CFAP299: variants seen among roughly 807,000 people sequenced by gnomAD.
CFAP299 encodes the protein cilia- and flagella-associated protein 299.
In CFAP299, 21 loss-of-function variants were observed where a neutral mutation model predicts 27.0. That is an observed-to-expected ratio of 0.78 (90% CI 0.55 to 1.12). The LOEUF (loss-of-function observed/expected upper bound fraction) is 1.12. Among genes scored for constraint, CFAP299 ranks in the 50% most tolerant of loss-of-function variants. The pLI is 0.00. For missense variants in CFAP299, 310 were observed against 276.6 expected, an observed-to-expected ratio of 1.12 and a Z score of -0.86; for synonymous variants, 104 against 98.1, an observed-to-expected ratio of 1.06 and a Z score of -0.36.
intron 2 of CFAP299, among the ~76,000 whole-genome samples, chr4:80,429,301 T>A (rs935916653): frequency 1.3e-5 from 2 of 151,054 alleles, no homozygotes; most frequent in Non-Finnish European, 1.5e-5. Context: ...CTTTTGCCTA[T>A]AAATTGGAGA....
chr4:80,798,282 G>C (rs1473171274), intron 3 of CFAP299, among the ~76,000 whole-genome samples: 1 of 152,020 alleles, frequency 6.6e-6, no homozygotes, highest in Non-Finnish European at 1.5e-5. Context: ...CACTGTTTTG[G>C]CCTCAGGCAG....
chr4:80,577,707 A>G (rs1179091864), intron 2 of CFAP299, among the ~76,000 whole-genome samples: 2 of 152,054 alleles, frequency 1.3e-5, no homozygotes, highest in Non-Finnish European at 2.9e-5. Flanking sequence ...GACCTAGAAA[A>G]CATCTTAATG....
At chr4:80,445,178 A>C (rs942466360) in intron 2 of CFAP299, among the ~76,000 whole-genome samples, 3 of 152,238 alleles carry the variant, frequency 2.0e-5, no homozygotes, top group African/African-American at 7.2e-5. Context: ...TACTGGGTGT[A>C]TACCCAAAGG....
intron 3 of CFAP299, among the ~76,000 whole-genome samples, chr4:80,693,731 A>G (rs560564652): frequency 2.6e-5 from 4 of 152,012 alleles, no homozygotes; most frequent in Admixed American, 2.6e-4. Context: ...GGCATTCTAA[A>G]GCAGTACTGA....
intron 4 of CFAP299, among the ~76,000 whole-genome samples, chr4:80,930,764 C>T (rs1362167289): frequency 6.6e-6 from 1 of 152,134 alleles, no homozygotes; most frequent in African/African-American, 2.4e-5. Context: ...CAGCATTCTC[C>T]ATTCAGTTTC....
chr4:80,599,578 T>A (rs1232164587), intron 3 of CFAP299, among the ~76,000 whole-genome samples: 1 of 152,154 alleles, frequency 6.6e-6, no homozygotes, highest in African/African-American at 2.4e-5. Flanking sequence ...TTTTTTTTAC[T>A]AGTCCACACA....
intron 3 of CFAP299, among the ~76,000 whole-genome samples, chr4:80,615,300 T>C (rs1738215962): frequency 6.6e-6 from 1 of 152,116 alleles, no homozygotes; most frequent in Non-Finnish European, 1.5e-5. Context: ...ATATTGTTCA[T>C]TGGCTAGGTA....
At chr4:80,466,011 G>T (rs969329014) in intron 2 of CFAP299, among the ~76,000 whole-genome samples, 3 of 152,172 alleles carry the variant, frequency 2.0e-5, no homozygotes, top group Non-Finnish European at 4.4e-5. Context: ...CATAACTTCT[G>T]GGAAGAAAGA....
chr4:80,449,618 T>A (rs1287997290), intron 2 of CFAP299, among the ~76,000 whole-genome samples: 3 of 151,730 alleles, frequency 2.0e-5, no homozygotes, highest in African/African-American at 7.2e-5. Context: ...TAAATTATGA[T>A]CATGTTATAT....
intron 1 of CFAP299, among the ~76,000 whole-genome samples, chr4:80,343,799 TA>T (rs35187249): frequency 4.0e-5 from 3 of 75,360 alleles, no homozygotes; most frequent in South Asian, 8.3e-4. Flanking sequence ...AGACTCCGTC[TA>T]AAAAAAAAAA....
intron 2 of CFAP299, among the ~76,000 whole-genome samples, chr4:80,581,085 CT>C (rs1308216750): frequency 2.0e-5 from 3 of 151,738 alleles, no homozygotes; most frequent in East Asian, 3.9e-4. Flanking sequence ...GATTTATGTA[CT>C]TGTAAAATGA....
At chr4:80,695,053 G>T (rs1423612705) in intron 3 of CFAP299, among the ~76,000 whole-genome samples, 1 of 152,056 alleles carries the variant, frequency 6.6e-6, no homozygotes, top group Non-Finnish European at 1.5e-5. Flanking sequence ...CCTCATAGTA[G>T]CATCATTTTA....
At position 80,564,639 on chromosome 4, in the gene CFAP299, GT is replaced by G. The variant is rs2110226102; in HGVS notation, c.243-18452del. ...GACAAGAATGCACACTGTCACCACT[GT>G]TATTGAACGTAGTACTGGAAGTCCT... On this transcript the variant is annotated intron_variant, in intron 2 of 5. Coordinates refer to ENST00000358105, the MANE Select transcript of CFAP299 (RefSeq NM_152770.3). Among the ~76,000 whole-genome samples, 3 of 152,052 alleles carry G rather than the reference GT, an allele frequency of 2.0e-5. No homozygotes were observed. In the South Asian group the frequency reaches 6.2e-4, roughly 32 times the overall value.
chr4:80,581,118 G>A, intron 2 of CFAP299, among the ~76,000 whole-genome samples: 1 of 151,830 alleles, frequency 6.6e-6, no homozygotes, highest in South Asian at 2.1e-4. Flanking sequence ...AAATTTCACA[G>A]AGAATTTCCA....
intron 3 of CFAP299, among the ~76,000 whole-genome samples, chr4:80,815,770 A>G (rs1729389656): frequency 6.6e-6 from 1 of 152,006 alleles, no homozygotes; most frequent in East Asian, 1.9e-4. Context: ...TATGATCACA[A>G]TTATGTTTAA....
chr4:80,408,789 A>C (rs774793400), intron 2 of CFAP299, among the ~76,000 whole-genome samples: 2 of 150,974 alleles, frequency 1.3e-5, no homozygotes, highest in African/African-American at 2.4e-5. Context: ...AAAATTACTT[A>C]CTTTTTTAAA....
Position 80,697,025 on chromosome 4 carries a change from A to T in CFAP299, c.333+113842A>T, listed in dbSNP as rs551840829. Among the ~76,000 whole-genome samples the T allele has an allele frequency of 2.2e-4, 34 of 152,336 alleles. No individual in the cohort carries two copies. In the South Asian group the frequency reaches 7.0e-3, roughly 32 times the overall value. ...TAAAGATTTTAATCAAAGCAGTTAA[A>T]TCATTAAAAAAATAGTCATTTCTTA... is the stretch of plus-strand genomic sequence containing the variant. On this transcript the variant is annotated intron_variant, in intron 3 of 5. Transcript: ENST00000358105.
At chr4:80,869,748 G>C (rs1363182830) in intron 3 of CFAP299, among the ~76,000 whole-genome samples, 10 of 152,146 alleles carry the variant, frequency 6.6e-5, no homozygotes, top group Admixed American at 5.2e-4. Context: ...TCCTTACCTC[G>C]TGATCTGCCC....
chr4:80,924,915 T>C (rs1736232561), intron 4 of CFAP299, among the ~76,000 whole-genome samples: 1 of 151,888 alleles, frequency 6.6e-6, no homozygotes, highest in African/African-American at 2.4e-5. Context: ...TAATCTTGTC[T>C]TCCCCCAGTG....
Sources: allele counts gnomAD v4.1 joint callset (sites outside exome capture counted in the v4.1 genomes callset), GRCh38; gene constraint gnomAD v4.1.1; transcripts MANE v1.5; gene names NCBI Gene and HGNC (gene_info 2026-07-23, HGNC 2026-07-21).